The following KLHL32 variants were observed in gnomAD, a reference collection of about 807,000 sequenced individuals.
The protein encoded by KLHL32 is kelch like family member 32, also known as kelch-like protein 32.
A neutral mutation model predicts 64.8 loss-of-function variants in KLHL32; 35 were observed. That is an observed-to-expected ratio of 0.54 (90% CI 0.41 to 0.72). The LOEUF is 0.72. Among genes scored for constraint, KLHL32 ranks in the 30% least tolerant of loss-of-function variants. KLHL32 has a pLI of 0.00. For missense variants in KLHL32, 589 were observed against 768.5 expected, an observed-to-expected ratio of 0.77 and a Z score of 2.76; for synonymous variants, 259 against 281.0, an observed-to-expected ratio of 0.92 and a Z score of 0.78.
At chr6:97,009,737 C>G (rs565061684) in intron 3 of KLHL32, among the ~76,000 whole-genome samples, 1 of 152,288 alleles carries the variant, frequency 6.6e-6, no homozygotes, top group East Asian at 1.9e-4. Context: ...GTATTTCATG[C>G]TCATACCTAC....
At chr6:96,994,048 T>TG (rs1252765112) in intron 3 of KLHL32, among the ~76,000 whole-genome samples, 1 of 152,236 alleles carries the variant, frequency 6.6e-6, no homozygotes, top group Non-Finnish European at 1.5e-5. Context: ...GATACTACTC[T>TG]GTCTTCCAAG....
intron 3 of KLHL32, among the ~76,000 whole-genome samples, chr6:97,023,676 G>A (rs566743865): frequency 6.6e-6 from 1 of 152,216 alleles, no homozygotes; most frequent in Admixed American, 6.5e-5. Flanking sequence ...CCAAAGACTT[G>A]TCACCCAGCA....
chr6:97,057,187 T>TGCCAC (rs766731769), intron 4 of KLHL32, among the ~76,000 whole-genome samples: 15 of 101,500 alleles, frequency 1.5e-4, no homozygotes, highest in Admixed American at 3.1e-4. Context: ...TTTTTTTTTT[T>TGCCAC]TTTTTTTTTT....
intron 1 of KLHL32, among the ~76,000 whole-genome samples, chr6:96,950,848 C>T (rs574513343): frequency 9.2e-5 from 14 of 152,144 alleles, no homozygotes; most frequent in Non-Finnish European, 1.5e-4. Flanking sequence ...TCTTGTTCTA[C>T]TTTGATTCCA....
At chr6:97,132,829 G>T in intron 10 of KLHL32, 82 bp downstream of exon 10, 1 of 962,380 alleles carries the variant, frequency 1.0e-6, no homozygotes, top group East Asian at 2.6e-5. Flanking sequence ...TGAAGAAAGA[G>T]ATATTTATGT....
intron 5 of KLHL32, among the ~76,000 whole-genome samples, chr6:97,066,978 C>T (rs1789862559): frequency 1.3e-5 from 2 of 152,154 alleles, no homozygotes; most frequent in Admixed American, 6.5e-5. Context: ...TTGTGTGGTA[C>T]TTTGTCAACT....
chr6:97,002,002 T>C (rs1024018656), intron 3 of KLHL32, among the ~76,000 whole-genome samples: 1 of 152,224 alleles, frequency 6.6e-6, no homozygotes, highest in Non-Finnish European at 1.5e-5. Context: ...ATAACTCTAC[T>C]GTAAAGAACT....
intron 10 of KLHL32, among the ~76,000 whole-genome samples, chr6:97,133,346 T>C (rs1312552550): frequency 1.3e-5 from 2 of 152,226 alleles, no homozygotes; most frequent in Non-Finnish European, 2.9e-5. Context: ...CATAGTATTA[T>C]TCCTATTATT....
rs759911836 is a variant in KLHL32 at position 97,130,938 on chromosome 6, A to G, written c.1595A>G (p.Asn532Ser). Residue 532 changes from asparagine to serine, a missense_variant, in exon 9 of 11, where the codon AAC (asparagine) becomes AGC (serine). Physicochemically the swap from Asn to Ser is conservative, Grantham distance 46 (BLOSUM62 1). This residue lies in a region of KLHL32 where 172 missense variants were observed against 192.0 expected (regional missense o/e 0.90). Transcript: ENST00000369261. ...GACCAGTGGACACGTTGTAATTTCA[A>G]CCTGCTGACTGGCAAGTACCTTTGA... ...DTDQWTRCNFNLLTGQNESGV... is the reference protein window; with the variant it reads ...DTDQWTRCNFSLLTGQNESGV... 6.2e-6 allele frequency: 10 copies of G among 1,611,362 alleles called. No homozygotes were observed. Among genetic ancestry groups the G allele is most frequent in the South Asian group, 1.1e-5 (1 of 90,312 alleles).
At position 97,099,177 on chromosome 6, in the gene KLHL32, A is replaced by G. The variant is rs181994515; in HGVS notation, c.627+13836A>G. Among the ~76,000 whole-genome samples, 213 of 152,188 alleles carry G rather than the reference A, an allele frequency of 1.4e-3. 1 individual carries two copies. Among genetic ancestry groups the G allele is most frequent in the Non-Finnish European group, 1.8e-3 (120 of 68,002 alleles). ...CACAGAGGGCCTTCTTCCCTCATACACCTGCATGACATGACTGCCACTGTC... is the reference window on the plus strand; with the variant it reads ...CACAGAGGGCCTTCTTCCCTCATACGCCTGCATGACATGACTGCCACTGTC... On this transcript the variant is annotated intron_variant, in intron 6 of 10. Coordinates refer to ENST00000369261, the MANE Select transcript of KLHL32 (RefSeq NM_052904.4).
intron 5 of KLHL32, among the ~76,000 whole-genome samples, chr6:97,081,711 A>T (rs1179007273): frequency 6.6e-6 from 1 of 151,816 alleles, no homozygotes; most frequent in Non-Finnish European, 1.5e-5. Flanking sequence ...CCTATATTCT[A>T]CTCTTTGTAG....
chr6:97,083,020 G>A (rs751871541), intron 5 of KLHL32, among the ~76,000 whole-genome samples: 4 of 152,104 alleles, frequency 2.6e-5, no homozygotes, highest in African/African-American at 4.8e-5. Context: ...TACTTTCCAC[G>A]TGCCAAACTT....
rs189473867 is a variant in KLHL32, at chr6:96,986,221, G to A, written c.204+10044G>A. On this transcript the variant is annotated intron_variant, in intron 3 of 10. Transcript: ENST00000369261. The stretch of plus-strand genomic sequence containing the variant: ...GAACAGCAGATGTTGCTGCCGGATC[G>A]TTCCTCTGGAATTTTTGTCTCAGAG... 4.2e-4 allele frequency among the ~76,000 whole-genome samples: 64 copies of A among 152,250 alleles called. 1 individual carries two copies. The East Asian group carries it at 9.1e-3, about 22-fold the overall frequency.
At chr6:96,999,023 GA>G (rs1229527700) in intron 3 of KLHL32, among the ~76,000 whole-genome samples, 1 of 151,994 alleles carries the variant, frequency 6.6e-6, no homozygotes, top group Non-Finnish European at 1.5e-5. Flanking sequence ...ATCCTAAGAA[GA>G]AAAAAAATTT....
At chr6:97,080,089 C>T (rs941040724) in intron 5 of KLHL32, among the ~76,000 whole-genome samples, 2 of 152,090 alleles carry the variant, frequency 1.3e-5, no homozygotes, top group Non-Finnish European at 2.9e-5. Flanking sequence ...CTCTGTTGGA[C>T]TGTAAAAGAA....
At chr6:97,076,270 C>T (rs1791577930) in intron 5 of KLHL32, among the ~76,000 whole-genome samples, 1 of 152,216 alleles carries the variant, frequency 6.6e-6, no homozygotes, top group Non-Finnish European at 1.5e-5. Context: ...TCAGTGTTTT[C>T]TTCCCTTTAC....
chr6:96,942,111 C>T (rs1771363025), intron 1 of KLHL32, among the ~76,000 whole-genome samples: 1 of 152,202 alleles, frequency 6.6e-6, no homozygotes, highest in Non-Finnish European at 1.5e-5. Context: ...CCCTGAAGCA[C>T]ATGTGTTGCT....
At chr6:97,065,449 A>G (rs1404595349) in intron 5 of KLHL32, among the ~76,000 whole-genome samples, 1 of 152,192 alleles carries the variant, frequency 6.6e-6, no homozygotes, top group Non-Finnish European at 1.5e-5. Context: ...TGGTTGGATG[A>G]AAACTTCTTG....
chr6:97,045,186 G>A (rs1006308766), intron 4 of KLHL32, among the ~76,000 whole-genome samples: 9 of 152,152 alleles, frequency 5.9e-5, no homozygotes, highest in African/African-American at 2.2e-4. Flanking sequence ...AGAAAGAAAG[G>A]TGATGGATCA....
Sources: gnomAD v4.1 joint callset for allele counts (sites outside exome capture counted in the v4.1 genomes callset) on GRCh38, gnomAD v4.1.1 for gene constraint, gnomAD v4.1.1 regional missense constraint, MANE v1.5 for transcripts, NCBI Gene and HGNC (gene_info 2026-07-23, HGNC 2026-07-21) for gene names.